Variants in ZDBF2 observed in about 807,000 individuals in gnomAD.
ZDBF2 encodes DBF4-type zinc finger-containing protein 2.
In ZDBF2, 6 loss-of-function variants were observed where a neutral mutation model predicts 9.4. The observed-to-expected ratio is 0.64, with a 90% CI of 0.35 to 1.27. The LOEUF (loss-of-function observed/expected upper bound fraction) is 1.27. Among genes scored for constraint, ZDBF2 ranks in the 50% most tolerant of loss-of-function variants. ZDBF2 has a pLI of 0.03. For missense variants in ZDBF2, 2,697 were observed against 2,766.8 expected, an observed-to-expected ratio of 0.97 and a Z score of 0.57; for synonymous variants, 905 against 946.3, an observed-to-expected ratio of 0.96 and a Z score of 0.80.
chr2:206,300,321 C>T (rs1455595336), intron 4 of ZDBF2, among the ~76,000 whole-genome samples: 2 of 152,168 alleles, frequency 1.3e-5, no homozygotes, highest in Non-Finnish European at 2.9e-5. Flanking sequence ...CGTTGCATTT[C>T]GTTGTCAGCA....
rs1367324012 is a variant in ZDBF2, at chr2:206,309,470, G to T, written c.4942G>T (p.Val1648Leu). 1 of 1,613,868 alleles carries T rather than the reference G, an allele frequency of 6.2e-7. No individual in the cohort carries two copies. The highest frequency in any genetic ancestry group is 1.1e-5 in the South Asian group (1 of 91,070). ...YESQGPDEKMVKYIDSEDKSC... is the reference protein window; with the variant it reads ...YESQGPDEKMLKYIDSEDKSC... ...GTCACAAGGACCTGATGAGAAAATG[G>T]TGAAATATATTGATTCAGAAGATAA... The change falls in exon 5 of 5, where the codon GTG (valine) becomes TTG (leucine). Residue 1648 changes from valine to leucine, a missense_variant. Val to Leu is a conservative substitution (Grantham distance 32, BLOSUM62 1). Around this residue, in one of 3 missense-constraint regions of ZDBF2, gnomAD observed 1,783 missense variants for 1,776.5 expected, o/e 1.00. Coordinates refer to ENST00000374423, the MANE Select transcript of ZDBF2 (RefSeq NM_020923.3).
intron 3 of ZDBF2, among the ~76,000 whole-genome samples, chr2:206,288,071 T>C (rs1383968026): frequency 6.6e-6 from 1 of 152,252 alleles, no homozygotes; most frequent in East Asian, 1.9e-4. Flanking sequence ...TTCATTGGGT[T>C]ATTTTTATGA....
intron 4 of ZDBF2, among the ~76,000 whole-genome samples, chr2:206,299,873 C>T (rs1692405689): frequency 6.6e-6 from 1 of 151,876 alleles, no homozygotes; most frequent in African/African-American, 2.4e-5. Flanking sequence ...TTTGGGAGGC[C>T]GAGGCGGGCG....
intron 4 of ZDBF2, among the ~76,000 whole-genome samples, chr2:206,298,700 A>G (rs948208524): frequency 6.0e-5 from 9 of 150,276 alleles, no homozygotes; most frequent in African/African-American, 2.2e-4. Context: ...ATTGTTTTGT[A>G]TATTTAGTAG....
At chr2:206,298,265 T>C (rs1166932842) in intron 4 of ZDBF2, among the ~76,000 whole-genome samples, 3 of 152,130 alleles carry the variant, frequency 2.0e-5, no homozygotes, top group Non-Finnish European at 4.4e-5. Flanking sequence ...TTAAATATTA[T>C]AATATGTTTG....
In ZDBF2 at chr2:206,307,366, G is replaced by A; in HGVS notation, c.2838G>A (p.Met946Ile). The change falls in exon 5 of 5, where the codon ATG becomes ATA. Residue 946 changes from methionine to isoleucine, a missense_variant. Met to Ile is a conservative substitution (Grantham distance 10). Around this residue, in one of 3 missense-constraint regions of ZDBF2, gnomAD observed 1,783 missense variants for 1,776.5 expected, o/e 1.00. Coordinates refer to ENST00000374423, the MANE Select transcript of ZDBF2 (RefSeq NM_020923.3). The stretch of plus-strand genomic sequence containing the variant: ...TAAGCCTTCACACAAAAGAGCACAT[G>A]TACTTAGAAAATAAGAGTGTTTTTG... ...KEISLHTKEH[M>I]YLENKSVFET... is the part of the protein sequence containing the mutation. 1.2e-6 allele frequency: 2 copies of A among 1,613,318 alleles called. No homozygotes were observed. Among genetic ancestry groups the A allele is most frequent in the Non-Finnish European group, 1.7e-6 (2 of 1,179,714 alleles).
Position 206,309,265 on chromosome 2 carries a change from T to G in ZDBF2, c.4737T>G (p.Gly1579=), listed in dbSNP as rs780770969. The change falls in exon 5 of 5, where the codon GGT becomes GGG. Residue 1579 remains glycine, a synonymous_variant. Coordinates refer to ENST00000374423, the MANE Select transcript of ZDBF2 (RefSeq NM_020923.3). ...DIEDKSCDFF[G]SEVRCNCKAS... ...AAGATAAGAGCTGTGACTTTTTTGG[T>G]TCTGAAGTCAGATGTAATTGTAAAG... 13 of 1,610,866 alleles carry G rather than the reference T, an allele frequency of 8.1e-6. No individual in the cohort carries two copies. Among genetic ancestry groups the G allele is most frequent in the Non-Finnish European group, 1.0e-5 (12 of 1,178,410 alleles).
chr2:206,305,528 T>C lies in ZDBF2; in HGVS notation c.1000T>C (p.Phe334Leu). 1 of 1,613,628 alleles carries C rather than the reference T, an allele frequency of 6.2e-7. No individual in the cohort carries two copies. The highest frequency in any genetic ancestry group is 8.5e-7 in the Non-Finnish European group (1 of 1,179,784). ...DTIAKNHEEF[F>L]SNMDCTQEEK... ...TATTGCAAAGAACCATGAGGAATTC[T>C]TTTCTAACATGGATTGTACCCAAGA... is the stretch of plus-strand genomic sequence containing the variant. Residue 334 changes from phenylalanine to leucine, a missense_variant, in exon 5 of 5, where the codon TTT becomes CTT. Physicochemically the swap from Phe to Leu is conservative, Grantham distance 22 (BLOSUM62 0). Coordinates refer to ENST00000374423, the MANE Select transcript of ZDBF2 (RefSeq NM_020923.3).
chr2:206,292,489 A>G (rs778061104), intron 3 of ZDBF2, among the ~76,000 whole-genome samples: 1 of 152,190 alleles, frequency 6.6e-6, no homozygotes, highest in African/African-American at 2.4e-5. Context: ...AATAGGTTTG[A>G]TGCTTGAATT....
chr2:206,289,948 A>G (rs770585756), intron 3 of ZDBF2, among the ~76,000 whole-genome samples: 9 of 152,004 alleles, frequency 5.9e-5, no homozygotes, highest in Middle Eastern at 6.8e-3. Flanking sequence ...TCTGAGTTCT[A>G]TGCTCACCCT....
At position 206,304,723 on chromosome 2, in the gene ZDBF2, A is replaced by T; in HGVS notation, c.195A>T (p.Thr65=). 6.2e-7 allele frequency: 1 copy of T among 1,602,882 alleles called. No individual in the cohort carries two copies. The highest frequency in any genetic ancestry group is 8.5e-7 in the Non-Finnish European group (1 of 1,175,686). ...HPYHCQESSS[T]QDETHVNTGS... The stretch of plus-strand genomic sequence containing the variant: ...TTCCCCCCTTTCGTTTTAGTTCAAC[A>T]CAAGATGAGACACATGTGAATACTG... The change falls in exon 5 of 5, where the codon ACA becomes ACT. Residue 65 remains threonine, a synonymous_variant. Coordinates refer to ENST00000374423, the MANE Select transcript of ZDBF2 (RefSeq NM_020923.3).
Position 206,309,337 on chromosome 2 carries a change from A to G in ZDBF2, c.4809A>G (p.Ile1603Met), listed in dbSNP as rs777094498. ...MTNQCKETFK[I>M]INRKKDYIIL... is the part of the protein sequence containing the mutation. ...ACCAATGCAAAGAGACTTTCAAAATAATAAACCGGAAGAAGGACTATATTA... is the reference window on the plus strand; with the variant it reads ...ACCAATGCAAAGAGACTTTCAAAATGATAAACCGGAAGAAGGACTATATTA... The change falls in exon 5 of 5, where the codon ATA (isoleucine) becomes ATG (methionine). Residue 1603 changes from isoleucine (I) to methionine (M), a missense_variant. By Grantham distance (10) the Ile-to-Met change is conservative. Transcript: ENST00000374423. 20 of 1,612,788 alleles carry G rather than the reference A, an allele frequency of 1.2e-5. No homozygotes were observed. Among genetic ancestry groups the G allele is most frequent in the Non-Finnish European group, 1.7e-5 (20 of 1,179,514 alleles).
intron 2 of ZDBF2, among the ~76,000 whole-genome samples, chr2:206,279,930 G>A (rs1691225850): frequency 6.6e-6 from 1 of 152,056 alleles, no homozygotes; most frequent in Admixed American, 6.5e-5. Context: ...TCAGCCTCCC[G>A]AGTAGCTGGG....
At position 206,309,690 on chromosome 2, in the gene ZDBF2, A is replaced by T; in HGVS notation, c.5162A>T (p.His1721Leu). 6.2e-7 allele frequency: 1 copy of T among 1,613,858 alleles called. No individual in the cohort carries two copies. Among genetic ancestry groups the T allele is most frequent in the Non-Finnish European group, 8.5e-7 (1 of 1,179,860 alleles). The change falls in exon 5 of 5, where the codon CAT (histidine) becomes CTT (leucine). Residue 1721 changes from histidine (H) to leucine (L), a missense_variant. His to Leu is a moderately conservative substitution (Grantham distance 99, BLOSUM62 -3). Transcript: ENST00000374423. The part of the protein sequence containing the change: ...DFGASSKSAL[H>L]RRADKKKRSK... ...GGTGCCTCTTCCAAGTCAGCGCTCC[A>T]TCGAAGGGCTGATAAAAAAAAACGT...
Position 206,297,254 on chromosome 2 carries a change from C to A in ZDBF2, c.69C>A (p.Phe23Leu). The change falls in exon 4 of 5, where the codon TTC (phenylalanine) becomes TTA (leucine). Residue 23 changes from phenylalanine to leucine, a missense_variant. This residue lies in a region of ZDBF2 where 910 missense variants were observed against 973.6 expected (regional missense o/e 0.93). Coordinates refer to ENST00000374423, the MANE Select transcript of ZDBF2 (RefSeq NM_020923.3). Reference protein sequence around the residue: ...VQYNNLEQHLFSAQHRSLTRQ... With the variant: ...VQYNNLEQHLLSAQHRSLTRQ... ...TTCTTTTTTCTTTATAGCATTTGTT[C>A]AGTGCTCAGCACAGGAGTTTGACCA... The A allele has an allele frequency of 7.5e-7, 1 of 1,333,602 alleles. No homozygotes were observed. The highest frequency in any genetic ancestry group is 1.1e-6 in the Non-Finnish European group (1 of 926,174). The allele number at this position is 1,333,602 out of a possible 1,614,324, so 82.6% of individuals were successfully genotyped here.
In ZDBF2 at chr2:206,311,635, C is replaced by T. The variant is rs781433469; in HGVS notation, c.*42C>T. 1 of 1,414,600 alleles carries T rather than the reference C, an allele frequency of 7.1e-7. No homozygotes were observed. The highest frequency in any genetic ancestry group is 9.3e-7 in the Non-Finnish European group (1 of 1,079,484). The allele number at this position is 1,414,600 out of a possible 1,614,324, so 87.6% of individuals were successfully genotyped here. A position where few individuals can be genotyped will look rare whatever the true frequency, so the allele number is the denominator to read the frequency against. On this transcript the variant is annotated 3_prime_UTR_variant, in exon 5 of 5. Coordinates refer to ENST00000374423, the MANE Select transcript of ZDBF2 (RefSeq NM_020923.3). ...CAGGCTAGTTGAGGATTCAGTACTTCAGTTGAAATATATTTGGTACTTTGT... is the reference window on the plus strand; with the variant it reads ...CAGGCTAGTTGAGGATTCAGTACTTTAGTTGAAATATATTTGGTACTTTGT...
rs1693015051 is a variant in ZDBF2, at chr2:206,309,362, A to G, written c.4834A>G (p.Ile1612Val). 6.2e-7 allele frequency: 1 copy of G among 1,613,504 alleles called. No individual in the cohort carries two copies. Among genetic ancestry groups the G allele is most frequent in the Non-Finnish European group, 8.5e-7 (1 of 1,179,728 alleles). ...AATAAACCGGAAGAAGGACTATATT[A>G]TTCTGGGAGAGCCAAGTTGTCAATC... ...KIINRKKDYI[I>V]LGEPSCQSCG... The change falls in exon 5 of 5, where the codon ATT becomes GTT. Residue 1612 changes from isoleucine to valine, a missense_variant. By Grantham distance (29) the Ile-to-Val change is conservative. Around this residue, in one of 3 missense-constraint regions of ZDBF2, gnomAD observed 1,783 missense variants for 1,776.5 expected, o/e 1.00. Coordinates refer to ENST00000374423, the MANE Select transcript of ZDBF2 (RefSeq NM_020923.3).
chr2:206,305,530 T>C lies in ZDBF2; in HGVS notation c.1002T>C (p.Phe334=). Residue 334 remains phenylalanine (F), a synonymous_variant, in exon 5 of 5, where the codon TTT becomes TTC. Transcript: ENST00000374423. The part of the protein sequence containing the change: ...DTIAKNHEEF[F]SNMDCTQEEK... ...TTGCAAAGAACCATGAGGAATTCTT[T>C]TCTAACATGGATTGTACCCAAGAAG... The C allele has an allele frequency of 1.9e-6, 3 of 1,613,696 alleles. No individual in the cohort carries two copies. In the East Asian group the frequency reaches 6.7e-5, roughly 36 times the overall value.
At chr2:206,300,558 G>T (rs1408534278) in intron 4 of ZDBF2, among the ~76,000 whole-genome samples, 1 of 152,134 alleles carries the variant, frequency 6.6e-6, no homozygotes, top group Non-Finnish European at 1.5e-5. Context: ...ACATAATGTT[G>T]CCGTGTCATT....
Sources: allele counts gnomAD v4.1 joint callset (sites outside exome capture counted in the v4.1 genomes callset), GRCh38; gene constraint gnomAD v4.1.1; regional missense constraint gnomAD v4.1.1; transcripts MANE v1.5; gene names NCBI Gene and HGNC (gene_info 2026-07-23, HGNC 2026-07-21).